NLRP1: variants seen among roughly 807,000 people sequenced by gnomAD.
NLRP1 encodes NLR family pyrin domain containing 1.
NLRP1 carries 94 observed loss-of-function variants against 136.7 expected under a neutral mutation model. The observed-to-expected ratio is 0.69, with a 90% CI of 0.58 to 0.82. The LOEUF is 0.82. NLRP1 is among the 40% of genes least tolerant of loss of function. The pLI is 0.00. For missense variants in NLRP1, 1,575 were observed against 1,802.7 expected (o/e 0.87, Z 2.29); for synonymous variants, 690 against 725.1 (o/e 0.95, Z 0.78).
Position 5,584,337 on chromosome 17 carries a change from C to A in NLRP1, c.-380G>T. 1 of 245,916 alleles carries A rather than the reference C, an allele frequency of 4.1e-6. No homozygotes were observed. The allele number at this position is 245,916 out of a possible 1,614,324, so 15.2% of individuals were successfully genotyped here. ...TCTTCCCTCTCCTGGGTCCTGGACT[C>A]CTGAGATCAACCCTTGAGCTGCAAG... is the stretch of plus-strand genomic sequence containing the variant. On this transcript the variant is annotated 5_prime_UTR_variant, in exon 1 of 17. Coordinates refer to ENST00000572272, the MANE Select transcript of NLRP1 (RefSeq NM_033004.4).
chr17:5,540,109 ATGT>A (rs1367128148), intron 6 of NLRP1, among the ~76,000 whole-genome samples: 1 of 152,136 alleles, frequency 6.6e-6, no homozygotes, highest in African/African-American at 2.4e-5. Flanking sequence ...GCACTGGGGG[ATGT>A]TAACTGCTGC....
At chr17:5,528,768 A>G (rs186479191) in intron 12 of NLRP1, among the ~76,000 whole-genome samples, 12 of 152,336 alleles carry the variant, frequency 7.9e-5, no homozygotes, top group African/African-American at 2.9e-4. Context: ...GGATGATACT[A>G]CAACATATCA....
intron 3 of NLRP1, among the ~76,000 whole-genome samples, chr17:5,580,210 G>C (rs1905469272): frequency 6.6e-6 from 1 of 152,158 alleles, no homozygotes; most frequent in East Asian, 1.9e-4. Context: ...ACTCCAGCCT[G>C]GGTGACCGAG....
chr17:5,561,180 C>G (rs971698341), intron 3 of NLRP1, among the ~76,000 whole-genome samples: 1 of 152,222 alleles, frequency 6.6e-6, no homozygotes, highest in African/African-American at 2.4e-5. Flanking sequence ...CCTCAGCCCC[C>G]AGAGTAGCTG....
intron 16 of NLRP1, 33 bp from the exon 17 acceptor site, chr17:5,515,106 GC>G (rs763031854): frequency 6.3e-7 from 1 of 1,586,300 alleles, no homozygotes; most frequent in Non-Finnish European, 8.6e-7. Context: ...TCCAACCACA[GC>G]CTCCACCTCC....
intron 3 of NLRP1, among the ~76,000 whole-genome samples, chr17:5,575,604 G>T (rs1597483113): frequency 1.3e-5 from 2 of 152,080 alleles, no homozygotes; most frequent in African/African-American, 4.8e-5. Context: ...CCCAATACAG[G>T]ATCACCCAGA....
Position 5,583,707 on chromosome 17 carries a change from G to C in NLRP1, c.251C>G (p.Ala84Gly). The C allele has an allele frequency of 1.9e-6, 3 of 1,554,162 alleles. No individual in the cohort carries two copies. The highest frequency in any genetic ancestry group is 2.6e-6 in the Non-Finnish European group (3 of 1,149,224). ...CTCACCTGCCCCTTCCTGGGCTTGG[G>C]CGCACAGTGACCTCAGCCCCATCTG... ...WEQMGLRSLCAQAQEGAGHSP... is the reference protein window; with the variant it reads ...WEQMGLRSLCGQAQEGAGHSP... Residue 84 changes from alanine to glycine, a missense_variant, in exon 1 of 17, where the codon GCC becomes GGC. Coordinates refer to ENST00000572272, the MANE Select transcript of NLRP1 (RefSeq NM_033004.4). The surrounding 1 kb of genome is among the most constrained non-coding windows in gnomAD (Gnocchi z 4.5).
intron 7 of NLRP1, among the ~76,000 whole-genome samples, chr17:5,538,995 C>A (rs2151769833): frequency 1.3e-5 from 2 of 152,260 alleles, no homozygotes; most frequent in South Asian, 4.2e-4. Context: ...ATTCTCCCTG[C>A]AAGTAGCTGG....
chr17:5,540,335 G>A (rs1031914325), intron 6 of NLRP1, among the ~76,000 whole-genome samples: 5 of 152,212 alleles, frequency 3.3e-5, no homozygotes, highest in African/African-American at 1.2e-4. Flanking sequence ...ATTTATGCCA[G>A]AAAAGGGCTA....
At chr17:5,501,673 C>A in exon 16 of NLRP1, 1 of 636,578 alleles carries the variant, frequency 1.6e-6, no homozygotes, top group Admixed American at 2.6e-5. Flanking sequence ...TTGAGCATCT[C>A]GCATATGATT....
intron 4 of NLRP1, among the ~76,000 whole-genome samples, chr17:5,555,738 T>C (rs1913968018): frequency 6.6e-6 from 1 of 152,146 alleles, no homozygotes. Flanking sequence ...AAATCAGCCA[T>C]GGCACTTTCC....
chr17:5,511,439 T>TAAAAAAAA (rs60642771), downstream of NLRP1, among the ~76,000 whole-genome samples: 127 of 137,328 alleles, frequency 9.2e-4, 1 homozygote, highest in African/African-American at 2.0e-3. Flanking sequence ...AGCCTCCGTC[T>TAAAAAAAA]AAAAAAAAAA....
At chr17:5,548,707 T>C (rs1912972785) in intron 5 of NLRP1, among the ~76,000 whole-genome samples, 2 of 152,162 alleles carry the variant, frequency 1.3e-5, no homozygotes, top group East Asian at 3.8e-4. Context: ...ATTCATGACT[T>C]TCCTATCACT....
rs1914573394 is a variant in NLRP1, at chr17:5,560,191, A to G, written c.653-148T>C. 5.4e-6 allele frequency: 4 copies of G among 746,318 alleles called. No individual in the cohort carries two copies. The Admixed American group carries it at 9.6e-5, about 18-fold the overall frequency. 46.2% of individuals were successfully genotyped at this position (746,318 alleles called of 1,614,324 possible). On this transcript the variant is annotated intron_variant, in intron 3 of 16. Coordinates refer to ENST00000572272, the MANE Select transcript of NLRP1 (RefSeq NM_033004.4). ...TGTTCTTGCCATGCGGCGGAAGGACATGTGCTTTGGGGTAGAATATCCCAG... is the reference window on the plus strand; with the variant it reads ...TGTTCTTGCCATGCGGCGGAAGGACGTGTGCTTTGGGGTAGAATATCCCAG...
chr17:5,571,610 C>G (rs1034354334), intron 3 of NLRP1, among the ~76,000 whole-genome samples: 1 of 152,136 alleles, frequency 6.6e-6, no homozygotes, highest in African/African-American at 2.4e-5. Flanking sequence ...GATACACACA[C>G]AAATGGAAAA....
chr17:5,545,786 C>G (rs956620354), intron 5 of NLRP1, among the ~76,000 whole-genome samples: 1 of 152,216 alleles, frequency 6.6e-6, no homozygotes, highest in Non-Finnish European at 1.5e-5. Context: ...AGATGGCTGT[C>G]TCCTGCCAGC....
chr17:5,533,968 G>A lies in NLRP1; in HGVS notation c.2981C>T (p.Pro994Leu), dbSNP rs1272326044. 6.2e-7 allele frequency: 1 copy of A among 1,612,292 alleles called. No individual in the cohort carries two copies. Among genetic ancestry groups the A allele is most frequent in the Admixed American group, 1.7e-5 (1 of 60,014 alleles). Reference protein sequence around the residue: ...FSRRKPSVMTPTEGLDTGEMS... With the variant: ...FSRRKPSVMTLTEGLDTGEMS... Reference sequence around the variant, plus strand: ...CTCTCCCGTATCCAGGCCCTCAGTAGGGGTCATCACACTTGGTTTCCTGGA... The same window carrying A: ...CTCTCCCGTATCCAGGCCCTCAGTAAGGGTCATCACACTTGGTTTCCTGGA... The change falls in exon 9 of 17, where the codon CCT becomes CTT. Residue 994 changes from proline to leucine, a missense_variant. Transcript: ENST00000572272.
At position 5,539,484 on chromosome 17, in the gene NLRP1, A is replaced by G. The variant is rs1162582137; in HGVS notation, c.2801T>C (p.Leu934Pro). 3.1e-6 allele frequency: 5 copies of G among 1,614,166 alleles called. No individual in the cohort carries two copies. In the East Asian group the frequency reaches 1.1e-4, roughly 36 times the overall value. ...LKELDLQQNN[L>P]DDVGVRLLCE... ...GAGCAGTCGCACGCCAACGTCATCC[A>G]GGTTGTTCTGCTGCAGGTCTAGCTC... Residue 934 changes from leucine (L) to proline (P), a missense_variant, in exon 7 of 17, where the codon CTG becomes CCG. Transcript: ENST00000572272.
chr17:5,533,369 T>A lies in NLRP1; in HGVS notation c.3068A>T (p.His1023Leu). The change falls in exon 10 of 17, where the codon CAT becomes CTT. Residue 1023 changes from histidine to leucine, a missense_variant. Coordinates refer to ENST00000572272, the MANE Select transcript of NLRP1 (RefSeq NM_033004.4). ...QRLGSERAAS[H>L]VAQANLKLLD... The stretch of plus-strand genomic sequence containing the variant: ...GAGTTTGAGATTAGCCTGAGCAACA[T>A]GGGAAGCCGCCCTCTCTACAGAAAA... 8.0e-7 allele frequency: 1 copy of A among 1,245,542 alleles called. No individual in the cohort carries two copies. Among genetic ancestry groups the A allele is most frequent in the South Asian group, 1.3e-5 (1 of 78,056 alleles). The allele number at this position is 1,245,542 out of a possible 1,614,324, so 77.2% of individuals were successfully genotyped here. A position where few individuals can be genotyped will look rare whatever the true frequency, so the allele number is the denominator to read the frequency against.
Sources: gnomAD v4.1 joint callset for allele counts (sites outside exome capture counted in the v4.1 genomes callset) on GRCh38, gnomAD v4.1.1 for gene constraint, Gnocchi (gnomAD v3.1) non-coding constraint, MANE v1.5 for transcripts, NCBI Gene and HGNC (gene_info 2026-07-23, HGNC 2026-07-21) for gene names.